The following GMDS variants were observed in gnomAD, a reference collection of about 807,000 sequenced individuals.
GMDS encodes the protein GDP-mannose 4,6 dehydratase.
In GMDS, 20 loss-of-function variants were observed where a neutral mutation model predicts 49.9. The observed-to-expected ratio is 0.40, with a 90% CI of 0.28 to 0.58. GMDS has a LOEUF of 0.58. Among genes scored for constraint, GMDS ranks in the 20% least tolerant of loss-of-function variants. GMDS has a pLI of 0.42. For missense variants in GMDS, 362 were observed against 481.4 expected, an observed-to-expected ratio of 0.75 and a Z score of 2.32; for synonymous variants, 177 against 178.6, an observed-to-expected ratio of 0.99 and a Z score of 0.07.
chr6:2,052,628 C>G (rs1770486543), intron 4 of GMDS, among the ~76,000 whole-genome samples: 1 of 152,182 alleles, frequency 6.6e-6, no homozygotes, highest in Non-Finnish European at 1.5e-5. Context: ...TTCACTCTTC[C>G]AGGTGGTCAG....
At chr6:1,637,524 G>A (rs1367010045) in intron 9 of GMDS, among the ~76,000 whole-genome samples, 2 of 152,234 alleles carry the variant, frequency 1.3e-5, no homozygotes, top group Non-Finnish European at 2.9e-5. Flanking sequence ...GCTATAAAGC[G>A]GACACTTGTG....
chr6:2,136,395 T>G lies in GMDS; in HGVS notation c.103-11664A>C, dbSNP rs116193356. 5.7e-3 allele frequency among the ~76,000 whole-genome samples: 865 copies of G among 152,284 alleles called. 2 individuals carry two copies. The highest frequency in any genetic ancestry group is 0.017 in the Middle Eastern group (5 of 294). On this transcript the variant is annotated intron_variant, in intron 1 of 10. Transcript: ENST00000380815. Reference sequence around the variant, plus strand: ...TTTCCTTTAATTTTCACAAGTACATTGACAAAACTGGTTCACTTTTGTTTA... The same window carrying G: ...TTTCCTTTAATTTTCACAAGTACATGGACAAAACTGGTTCACTTTTGTTTA...
chr6:2,173,640 C>T (rs914641033), intron 1 of GMDS, among the ~76,000 whole-genome samples: 2 of 152,124 alleles, frequency 1.3e-5, no homozygotes, highest in Non-Finnish European at 2.9e-5. Context: ...ATCAATGATA[C>T]AGGAAAAAAT....
intron 4 of GMDS, 117 bp from the exon 5 acceptor site, chr6:1,961,083 T>C: frequency 5.7e-6 from 3 of 525,602 alleles, no homozygotes; most frequent in Non-Finnish European, 3.3e-6. Flanking sequence ...GAAAATATTA[T>C]TTTCTAACAG....
intron 8 of GMDS, among the ~76,000 whole-genome samples, chr6:1,737,582 TAC>T (rs776871049): frequency 4.0e-5 from 4 of 101,006 alleles, no homozygotes; most frequent in South Asian, 3.2e-4. Flanking sequence ...CACACAAAAA[TAC>T]ACACACATAC....
intron 4 of GMDS, among the ~76,000 whole-genome samples, chr6:1,986,776 G>C (rs1765574737): frequency 2.0e-5 from 3 of 152,076 alleles, no homozygotes; most frequent in Non-Finnish European, 2.9e-5. Context: ...GGAGCTGTCA[G>C]GGATATTTGG....
intron 9 of GMDS, among the ~76,000 whole-genome samples, chr6:1,697,216 G>T (rs777842063): frequency 2.0e-5 from 3 of 152,164 alleles, no homozygotes; most frequent in Admixed American, 1.3e-4. Flanking sequence ...GTGCGTTGAC[G>T]GCAGGTGTCC....
At chr6:2,088,591 G>A in intron 4 of GMDS, among the ~76,000 whole-genome samples, 1 of 152,132 alleles carries the variant, frequency 6.6e-6, no homozygotes, top group African/African-American at 2.4e-5. Flanking sequence ...AATTTTCTAT[G>A]CATACTTTAC....
chr6:2,123,038 G>A (rs6911073), intron 2 of GMDS, among the ~76,000 whole-genome samples: 2 of 152,136 alleles, frequency 1.3e-5, no homozygotes, highest in South Asian at 2.1e-4. Context: ...TTGTTGCATC[G>A]ATTTGCAAAT....
At chr6:2,102,758 T>A (rs1773998071) in intron 4 of GMDS, among the ~76,000 whole-genome samples, 1 of 152,368 alleles carries the variant, frequency 6.6e-6, no homozygotes, top group South Asian at 2.1e-4. Context: ...GAAATGTTTA[T>A]GTAATTGTGA....
At chr6:2,154,198 A>G (rs1285113724) in intron 1 of GMDS, among the ~76,000 whole-genome samples, 1 of 152,140 alleles carries the variant, frequency 6.6e-6, no homozygotes, top group African/African-American at 2.4e-5. Flanking sequence ...TAGATTTTAG[A>G]CACAAAAATG....
At chr6:2,105,315 A>G (rs1774180647) in intron 4 of GMDS, among the ~76,000 whole-genome samples, 2 of 152,200 alleles carry the variant, frequency 1.3e-5, no homozygotes, top group African/African-American at 4.8e-5. Flanking sequence ...AATAACTCAA[A>G]TATTGTGACA....
At chr6:2,244,049 G>A (rs1022437764) in intron 1 of GMDS, among the ~76,000 whole-genome samples, 2 of 151,438 alleles carry the variant, frequency 1.3e-5, no homozygotes, top group African/African-American at 4.9e-5. Context: ...TTTTTTTGTA[G>A]AGACAACGTC....
chr6:2,157,372 A>G (rs778163342), intron 1 of GMDS, among the ~76,000 whole-genome samples: 1 of 152,192 alleles, frequency 6.6e-6, no homozygotes, highest in Non-Finnish European at 1.5e-5. Context: ...ACTGTGGGCA[A>G]TATGATTGCT....
intron 8 of GMDS, among the ~76,000 whole-genome samples, chr6:1,739,156 T>C (rs899497434): frequency 5.3e-5 from 8 of 152,204 alleles, no homozygotes; most frequent in Non-Finnish European, 1.0e-4. Flanking sequence ...TTTGACAGCA[T>C]ATGAACAAGA....
At position 1,651,196 on chromosome 6, in the gene GMDS, C is replaced by G. The variant is rs543469187; in HGVS notation, c.988-26656G>C. Among the ~76,000 whole-genome samples, 124 of 152,322 alleles carry G rather than the reference C, an allele frequency of 8.1e-4. 1 individual carries two copies. The South Asian group carries it at 0.022, about 27-fold the overall frequency. ...CATTGTGCTTGGTTTGATGGAGCAG[C>G]CCACACCAGTGGCAGCATGCACCCC... is the stretch of plus-strand genomic sequence containing the variant. On this transcript the variant is annotated intron_variant, in intron 9 of 10. Coordinates refer to ENST00000380815, the MANE Select transcript of GMDS (RefSeq NM_001500.4).
intron 1 of GMDS, among the ~76,000 whole-genome samples, chr6:2,140,787 A>G (rs1429798020): frequency 6.6e-6 from 1 of 152,218 alleles, no homozygotes; most frequent in Non-Finnish European, 1.5e-5. Flanking sequence ...TGTTGCAAGA[A>G]GTCAACCATT....
intron 9 of GMDS, among the ~76,000 whole-genome samples, chr6:1,682,347 C>T (rs1343260189): frequency 6.6e-6 from 1 of 152,184 alleles, no homozygotes; most frequent in Non-Finnish European, 1.5e-5. Context: ...AGCTCCTCTG[C>T]CAACCCCCGC....
At chr6:1,918,152 G>C (rs1325170184) in intron 7 of GMDS, among the ~76,000 whole-genome samples, 1 of 152,164 alleles carries the variant, frequency 6.6e-6, no homozygotes, top group African/African-American at 2.4e-5. Flanking sequence ...AGAGAGGGGA[G>C]AAGAGAAGGG....
Sources: gnomAD v4.1 joint callset for allele counts (sites outside exome capture counted in the v4.1 genomes callset) on GRCh38, gnomAD v4.1.1 for gene constraint, MANE v1.5 for transcripts, NCBI Gene and HGNC (gene_info 2026-07-23, HGNC 2026-07-21) for gene names.